The following RERG variants were observed in gnomAD, a reference collection of about 807,000 sequenced individuals.
RERG encodes the protein ras-related and estrogen-regulated growth inhibitor.
RERG carries 25 observed loss-of-function variants against 23.2 expected under a neutral mutation model. The observed-to-expected ratio is 1.08, with a 90% CI of 0.79 to 1.50. The LOEUF (loss-of-function observed/expected upper bound fraction) is 1.50, where lower values mean the gene tolerates loss of function less well. Among genes scored for constraint, RERG ranks in the 40% most tolerant of loss-of-function variants. The pLI is 0.00. For missense variants in RERG, 253 were observed against 250.1 expected (o/e 1.01, Z -0.08); for synonymous variants, 81 against 89.1 (o/e 0.91, Z 0.51).
chr12:15,141,238 C>T (rs1224891898), intron 2 of RERG, among the ~76,000 whole-genome samples: 1 of 151,808 alleles, frequency 6.6e-6, no homozygotes, highest in Non-Finnish European at 1.5e-5. Flanking sequence ...TCACTGCAAC[C>T]TCCACCTCCC....
rs576599225 is a variant in RERG, at chr12:15,200,636, T to C, written c.61+16793A>G. Among the ~76,000 whole-genome samples, 3 of 152,106 alleles carry C rather than the reference T, an allele frequency of 2.0e-5. No homozygotes were observed. The South Asian group carries it at 6.2e-4, about 32-fold the overall frequency. Reference sequence around the variant, plus strand: ...GGCTTGATTCTTCCAGTTATTTGATTCACAAGAACATCTTGTATTTTAGTG... The same window carrying C: ...GGCTTGATTCTTCCAGTTATTTGATCCACAAGAACATCTTGTATTTTAGTG... On this transcript the variant is annotated intron_variant, in intron 2 of 4. Coordinates refer to ENST00000256953, the MANE Select transcript of RERG (RefSeq NM_032918.3).
chr12:15,187,077 C>A (rs190895956), intron 2 of RERG, among the ~76,000 whole-genome samples: 1 of 151,966 alleles, frequency 6.6e-6, no homozygotes, highest in Non-Finnish European at 1.5e-5. Context: ...ACTATCTTAA[C>A]GATGGATAAA....
Position 15,108,380 on chromosome 12 carries a change from A to G in RERG, c.*730T>C, listed in dbSNP as rs1404354687. On this transcript the variant is annotated 3_prime_UTR_variant, in exon 5 of 5. Coordinates refer to ENST00000256953, the MANE Select transcript of RERG (RefSeq NM_032918.3). ...TGGTGAAAAGACTTCCAATGTTTTT[A>G]TATCACCCTGACTTGATGAAAAAAG... The G allele has an allele frequency of 6.6e-6, 1 of 152,536 alleles. No homozygotes were observed. Among genetic ancestry groups the G allele is most frequent in the Non-Finnish European group, 1.5e-5 (1 of 68,016 alleles). 9.4% of individuals were successfully genotyped at this position (152,536 alleles called of 1,614,324 possible).
rs115121669 is a variant in RERG, at chr12:15,112,124, T to G, written c.119-707A>C. 6.2e-3 allele frequency among the ~76,000 whole-genome samples: 938 copies of G among 152,232 alleles called. 7 individuals carry two copies. The highest frequency in any genetic ancestry group is 0.022 in the African/African-American group (895 of 41,540). The stretch of plus-strand genomic sequence containing the variant: ...TGCCTTGGTCCTTCTAAAAATCGAG[T>G]TTTTGGAAACTGCTGTTTCTAACAA... On this transcript the variant is annotated intron_variant, in intron 3 of 4. Transcript: ENST00000256953.
At chr12:15,156,249 T>C (rs1864520603) in intron 2 of RERG, among the ~76,000 whole-genome samples, 1 of 152,196 alleles carries the variant, frequency 6.6e-6, no homozygotes, top group African/African-American at 2.4e-5. Context: ...ACACTGTGAT[T>C]TGTTTCTACA....
chr12:15,141,302 C>T (rs553196908), intron 2 of RERG, among the ~76,000 whole-genome samples: 2 of 152,048 alleles, frequency 1.3e-5, no homozygotes, highest in South Asian at 2.1e-4. Flanking sequence ...ACTACAGGTG[C>T]CTGCCACCAC....
chr12:15,208,972 G>A (rs1392560031), intron 2 of RERG, among the ~76,000 whole-genome samples: 4 of 151,494 alleles, frequency 2.6e-5, no homozygotes, highest in Non-Finnish European at 1.5e-5. Flanking sequence ...TCAACTCAAT[G>A]TCTCTTCATG....
intron 2 of RERG, among the ~76,000 whole-genome samples, chr12:15,164,208 T>C (rs1461847043): frequency 6.6e-6 from 1 of 152,200 alleles, no homozygotes; most frequent in Admixed American, 6.5e-5. Context: ...AGGGGCTCCA[T>C]TACCATTTGT....
At chr12:15,120,075 G>A (rs1863803666) in intron 3 of RERG, among the ~76,000 whole-genome samples, 1 of 152,082 alleles carries the variant, frequency 6.6e-6, no homozygotes, top group Non-Finnish European at 1.5e-5. Context: ...AGTGGAGAAA[G>A]GTAGAGAGTA....
At chr12:15,214,900 T>C (rs1865419537) in intron 2 of RERG, among the ~76,000 whole-genome samples, 3 of 152,180 alleles carry the variant, frequency 2.0e-5, no homozygotes, top group Admixed American at 1.3e-4. Flanking sequence ...CACTGAACTA[T>C]GGAAAAAGGT....
intron 2 of RERG, among the ~76,000 whole-genome samples, chr12:15,136,238 C>T (rs772534640): frequency 2.0e-5 from 3 of 151,880 alleles, no homozygotes; most frequent in Non-Finnish European, 2.9e-5. Flanking sequence ...TGGGCTCTGT[C>T]GTGATATCTA....
At position 15,109,463 on chromosome 12, in the gene RERG, C is replaced by T. The variant is rs768924367; in HGVS notation, c.247G>A (p.Val83Ile). Residue 83 changes from valine to isoleucine, a missense_variant, in exon 5 of 5, where the codon GTC (valine) becomes ATC (isoleucine). Physicochemically the swap from Val to Ile is conservative, Grantham distance 29. Coordinates refer to ENST00000256953, the MANE Select transcript of RERG (RefSeq NM_032918.3). The part of the protein sequence containing the change: ...HMRWGEGFVL[V>I]YDITDRGSFE... ...CTTCCTCGGTCAGTAATGTCGTAGA[C>T]CAGCACAAAGCCTTCCCCCCATCGC... The T allele has an allele frequency of 2.5e-6, 4 of 1,613,632 alleles. No homozygotes were observed. Among genetic ancestry groups the T allele is most frequent in the Middle Eastern group, 1.6e-4 (1 of 6,082 alleles).
intron 2 of RERG, among the ~76,000 whole-genome samples, chr12:15,187,434 C>T (rs1439338177): frequency 6.6e-6 from 1 of 152,120 alleles, no homozygotes; most frequent in Non-Finnish European, 1.5e-5. Context: ...ATTTGGTGAC[C>T]AGCCATAACA....
chr12:15,193,599 A>G (rs1865102308), intron 2 of RERG, among the ~76,000 whole-genome samples: 1 of 152,128 alleles, frequency 6.6e-6, no homozygotes, highest in African/African-American at 2.4e-5. Context: ...TCTCTGTCTC[A>G]CTTTTGGTTC....
chr12:15,135,981 T>A (rs1390836241), intron 2 of RERG, among the ~76,000 whole-genome samples: 1 of 152,060 alleles, frequency 6.6e-6, no homozygotes, highest in African/African-American at 2.4e-5. Context: ...GTTCTAAGAT[T>A]TTTTGCTTAA....
At chr12:15,176,093 A>T (rs1210500030) in intron 2 of RERG, among the ~76,000 whole-genome samples, 1 of 152,182 alleles carries the variant, frequency 6.6e-6, no homozygotes, top group Non-Finnish European at 1.5e-5. Flanking sequence ...CAGTGTTTTC[A>T]TGGCTTTTAT....
At chr12:15,181,042 AT>A (rs1864916549) in intron 2 of RERG, among the ~76,000 whole-genome samples, 1 of 152,070 alleles carries the variant, frequency 6.6e-6, no homozygotes, top group African/African-American at 2.4e-5. Flanking sequence ...GGGAAATGTC[AT>A]TTAGCCACTA....
At chr12:15,202,095 T>C (rs1412281882) in intron 2 of RERG, among the ~76,000 whole-genome samples, 1 of 151,864 alleles carries the variant, frequency 6.6e-6, no homozygotes, top group Non-Finnish European at 1.5e-5. Context: ...TTAAACATTC[T>C]TTTTTACAGT....
chr12:15,211,148 T>C (rs577300909), intron 2 of RERG, among the ~76,000 whole-genome samples: 4 of 152,144 alleles, frequency 2.6e-5, no homozygotes, highest in Non-Finnish European at 4.4e-5. Flanking sequence ...TTAATGTTTT[T>C]AGCAAATTTA....
Sources: gnomAD v4.1 joint callset for allele counts (sites outside exome capture counted in the v4.1 genomes callset) on GRCh38, gnomAD v4.1.1 for gene constraint, MANE v1.5 for transcripts, NCBI Gene and HGNC (gene_info 2026-07-23, HGNC 2026-07-21) for gene names.